SMARCA4: variants seen among roughly 807,000 people sequenced by gnomAD.
The protein encoded by SMARCA4 is SWI/SNF related BAF chromatin remodeling complex subunit ATPase 4.
Under a neutral mutation model 193.9 loss-of-function variants are expected in SMARCA4, and 31 were observed. The ratio of observed to expected loss-of-function variants is 0.16; its 90% confidence interval spans 0.12 to 0.22. The LOEUF is 0.22. Ranked by LOEUF, SMARCA4 falls within the 10% of genes least tolerant of loss-of-function variation. SMARCA4 has a pLI of 1.00. For missense variants in SMARCA4, 1,148 were observed against 2,296.0 expected (o/e 0.50, Z 10.22); for synonymous variants, 942 against 933.1 (o/e 1.01, Z -0.17).
intron 23 of SMARCA4, among the ~76,000 whole-genome samples, chr19:11,027,312 C>T (rs1325799190): frequency 1.3e-5 from 2 of 152,190 alleles, no homozygotes; most frequent in African/African-American, 2.4e-5. Context: ...GCCTCAGTGT[C>T]CACATCTACA....
intron 14 of SMARCA4, chr19:11,008,297 C>T (rs1313437891): frequency 2.5e-6 from 1 of 405,768 alleles, no homozygotes; most frequent in African/African-American, 2.0e-5. Flanking sequence ...TGCTCCCCGG[C>T]TCCCTCCCTT....
chr19:11,002,957 C>G, intron 11 of SMARCA4, 72 bp from the exon 12 acceptor site: 1 of 1,578,618 alleles, frequency 6.3e-7, no homozygotes, highest in Admixed American at 1.7e-5. Context: ...GGGTGCTTCC[C>G]ACCTTGGCCT....
intron 30 of SMARCA4, among the ~76,000 whole-genome samples, chr19:11,055,728 A>C (rs147421843): frequency 1.2e-3 from 176 of 151,976 alleles, no homozygotes; most frequent in African/African-American, 4.0e-3. Context: ...CTGGCCACTA[A>C]GGGCATTGAA....
At chr19:11,048,622 G>A (rs753380834) in intron 30 of SMARCA4, among the ~76,000 whole-genome samples, 6 of 152,364 alleles carry the variant, frequency 3.9e-5, no homozygotes, top group South Asian at 2.1e-4. Context: ...CACATGGTCC[G>A]TCTAGGTGGC....
chr19:11,011,015 G>A (rs772075038), intron 15 of SMARCA4: 3 of 245,122 alleles, frequency 1.2e-5, no homozygotes, highest in Non-Finnish European at 1.6e-5. Context: ...TCTTTCTTCT[G>A]GGGATGAGGT....
intron 16 of SMARCA4, among the ~76,000 whole-genome samples, chr19:11,015,773 G>A (rs1438736899): frequency 3.3e-5 from 5 of 152,010 alleles, no homozygotes; most frequent in African/African-American, 9.7e-5. Flanking sequence ...TTGGGAGGCC[G>A]AGGCAGGCGG....
intron 16 of SMARCA4, among the ~76,000 whole-genome samples, chr19:11,014,540 C>A (rs73013163): frequency 0.039 from 5,880 of 152,270 alleles, 165 homozygotes; most frequent in Non-Finnish European, 0.064. Flanking sequence ...TGAGCTCTGT[C>A]CCCTGTCTGT....
chr19:11,034,901 C>T lies in SMARCA4; in HGVS notation c.3952-13C>T, dbSNP rs374611879. 1.3e-6 allele frequency: 2 copies of T among 1,547,846 alleles called. No individual in the cohort carries two copies. Among genetic ancestry groups the T allele is most frequent in the African/African-American group, 1.4e-5 (1 of 73,352 alleles). On this transcript the variant is annotated splice_polypyrimidine_tract_variant and intron_variant, in intron 28 of 34. Transcript: ENST00000344626. The surrounding 1 kb of genome is among the most constrained non-coding windows in gnomAD (Gnocchi z 7.0). ...CATGCTGATGCCTCTCCCGTTGCCT[C>T]CCTGCCCACCAGCGCATGGACCTGG...
chr19:10,987,663 C>T lies in SMARCA4; in HGVS notation c.860-3C>T, dbSNP rs1158136597. 1.9e-6 allele frequency: 3 copies of T among 1,613,170 alleles called. No individual in the cohort carries two copies. Among genetic ancestry groups the T allele is most frequent in the Admixed American group, 1.7e-5 (1 of 60,002 alleles). On this transcript the variant is annotated splice_polypyrimidine_tract_variant and splice_region_variant and intron_variant, in intron 5 of 34. Transcript: ENST00000344626. This position sits in a 1 kb window ranked among gnomAD's most constrained non-coding sequence, Gnocchi z 5.3. ...GACGCCCTGGCCCCTTGCCTTCTCC[C>T]AGGACCCATGGCGAATGCTGCTGCC...
intron 15 of SMARCA4, chr19:11,010,815 G>T: frequency 2.1e-6 from 1 of 470,134 alleles, no homozygotes; most frequent in South Asian, 2.0e-5. Context: ...CCTCACAGAG[G>T]AGACGGGGCC....
chr19:11,034,328 C>A lies in SMARCA4; in HGVS notation c.3951+128C>A. On this transcript the variant is annotated intron_variant, in intron 28 of 34. Coordinates refer to ENST00000344626, the MANE Select transcript of SMARCA4 (RefSeq NM_003072.5). The surrounding 1 kb of genome is among the most constrained non-coding windows in gnomAD (Gnocchi z 7.0). ...AGGGAGCCAGGGACAGCTCACAGTG[C>A]AGCCCACTCCCACCTCCAGACTGAC... 1.3e-6 allele frequency: 1 copy of A among 759,304 alleles called. No individual in the cohort carries two copies. Among genetic ancestry groups the A allele is most frequent in the Non-Finnish European group, 2.3e-6 (1 of 430,136 alleles). The allele number at this position is 759,304 out of a possible 1,614,324, so 47.0% of individuals were successfully genotyped here. A position where few individuals can be genotyped will look rare whatever the true frequency, so the allele number is the denominator to read the frequency against.
In SMARCA4 at chr19:11,061,968, C is replaced by G; in HGVS notation, c.*152C>G. 2.7e-6 allele frequency: 2 copies of G among 748,920 alleles called. No individual in the cohort carries two copies. The highest frequency in any genetic ancestry group is 4.7e-6 in the Non-Finnish European group (2 of 427,754). The allele number at this position is 748,920 out of a possible 1,614,324, so 46.4% of individuals were successfully genotyped here. A position where few individuals can be genotyped will look rare whatever the true frequency, so the allele number is the denominator to read the frequency against. On this transcript the variant is annotated 3_prime_UTR_variant, in exon 35 of 35. Coordinates refer to ENST00000344626, the MANE Select transcript of SMARCA4 (RefSeq NM_003072.5). ...CTTCCATATTTATACAGCAGAGAAG[C>G]TGTAGGACTGTTTGTGACTGGCCCT...
chr19:10,971,590 C>T (rs2084677114), intron 1 of SMARCA4, among the ~76,000 whole-genome samples: 1 of 151,826 alleles, frequency 6.6e-6, no homozygotes, highest in Admixed American at 6.6e-5. Flanking sequence ...GACCCTCCCA[C>T]CTTGGCTTCC....
chr19:11,015,112 G>A (rs1242411212), intron 16 of SMARCA4, among the ~76,000 whole-genome samples: 2 of 151,822 alleles, frequency 1.3e-5, no homozygotes, highest in Admixed American at 6.6e-5. Flanking sequence ...TGTGCCTGGC[G>A]ACCTCATTCT....
chr19:11,014,015 C>T (rs1458563787), intron 16 of SMARCA4, among the ~76,000 whole-genome samples: 1 of 152,200 alleles, frequency 6.6e-6, no homozygotes, highest in Admixed American at 6.5e-5. Flanking sequence ...AGGGCCGGCT[C>T]TTACTGGTCC....
intron 19 of SMARCA4, among the ~76,000 whole-genome samples, chr19:11,022,670 C>T (rs1416312986): frequency 6.6e-6 from 1 of 152,200 alleles, no homozygotes; most frequent in Admixed American, 6.5e-5. Context: ...GGGCCCACCC[C>T]CTTCTTCCCA....
intron 16 of SMARCA4, among the ~76,000 whole-genome samples, chr19:11,017,491 T>C (rs1171028675): frequency 1.3e-5 from 2 of 152,226 alleles, no homozygotes; most frequent in African/African-American, 4.8e-5. Context: ...CGCTAGGAAA[T>C]GTTTACGGCG....
At chr19:11,055,316 A>C (rs1236411046) in intron 30 of SMARCA4, among the ~76,000 whole-genome samples, 1 of 151,964 alleles carries the variant, frequency 6.6e-6, no homozygotes, top group Non-Finnish European at 1.5e-5. Context: ...CAGCCTCCCG[A>C]GTAGCTGGGA....
chr19:11,012,932 C>T lies in SMARCA4; in HGVS notation c.2275-17C>T, dbSNP rs201752124. On this transcript the variant is annotated splice_polypyrimidine_tract_variant and intron_variant, in intron 15 of 34. Transcript: ENST00000344626. Reference sequence around the variant, plus strand: ...ACCCGGCCTTCAGTCCTGGCGTGGCCGCATCTGTCCTTGCAGATCAAAGGT... The same window carrying T: ...ACCCGGCCTTCAGTCCTGGCGTGGCTGCATCTGTCCTTGCAGATCAAAGGT... 16 of 1,613,856 alleles carry T rather than the reference C, an allele frequency of 9.9e-6. No homozygotes were observed. In the Admixed American group the frequency reaches 1.2e-4, roughly 12 times the overall value.
Sources: gnomAD v4.1 joint callset for allele counts (sites outside exome capture counted in the v4.1 genomes callset) on GRCh38, gnomAD v4.1.1 for gene constraint, Gnocchi (gnomAD v3.1) non-coding constraint, MANE v1.5 for transcripts, NCBI Gene and HGNC (gene_info 2026-07-23, HGNC 2026-07-21) for gene names.